The following GPHN variants were observed in gnomAD, a reference collection of about 807,000 sequenced individuals.
GPHN encodes the protein gephyrin.
GPHN carries 17 observed loss-of-function variants against 95.5 expected under a neutral mutation model. The observed-to-expected ratio is 0.18, with a 90% CI of 0.12 to 0.27. The LOEUF is 0.27. Ranked by LOEUF, GPHN falls within the 10% of genes least tolerant of loss-of-function variation. The pLI is 1.00. For missense variants in GPHN, 660 were observed against 978.1 expected (o/e 0.67, Z 4.34); for synonymous variants, 320 against 322.5 (o/e 0.99, Z 0.08).
chr14:67,345,870 A>T, the GPHN span: 3 of 1,596,966 alleles, frequency 1.9e-6, no homozygotes, highest in Non-Finnish European at 2.6e-6. Context: ...TCAGTTCATA[A>T]CCTGAAAGGA....
the GPHN span, chr14:67,204,643 T>C: frequency 6.2e-7 from 1 of 1,613,792 alleles, no homozygotes; most frequent in Non-Finnish European, 8.5e-7. Flanking sequence ...GCTCTGCACC[T>C]CTGCATATAA....
intron 1 of GPHN, among the ~76,000 whole-genome samples, chr14:66,633,898 A>G (rs2063957959): frequency 6.6e-6 from 1 of 151,196 alleles, no homozygotes; most frequent in Admixed American, 6.6e-5. Context: ...ACATTGCAGG[A>G]TGCTTTAAGA....
At chr14:67,264,292 G>A in the GPHN span, among the ~76,000 whole-genome samples, 1 of 152,198 alleles carries the variant, frequency 6.6e-6, no homozygotes, top group African/African-American at 2.4e-5. Context: ...TTTAACATAT[G>A]TAGCACAGTG....
At chr14:67,582,080 G>A in the GPHN span, 38 of 1,610,306 alleles carry the variant, frequency 2.4e-5, no homozygotes, top group African/African-American at 6.7e-5. This position sits in a 1 kb window ranked among gnomAD's most constrained non-coding sequence, Gnocchi z 5.0. Context: ...CTGTACTTTC[G>A]CAGTCAAGTC....
chr14:66,999,106 C>A (rs1369801767), intron 9 of GPHN, among the ~76,000 whole-genome samples: 1 of 151,820 alleles, frequency 6.6e-6, no homozygotes, highest in Non-Finnish European at 1.5e-5. Flanking sequence ...AGAAAATTGT[C>A]TTTTCTTAAA....
chr14:67,079,721 C>T (rs1297958768), intron 11 of GPHN, among the ~76,000 whole-genome samples: 2 of 151,948 alleles, frequency 1.3e-5, no homozygotes, highest in South Asian at 2.1e-4. Flanking sequence ...TGTTTCAATT[C>T]GCAAATTCAA....
chr14:66,855,241 C>T (rs1252459447), intron 4 of GPHN, among the ~76,000 whole-genome samples: 1 of 152,072 alleles, frequency 6.6e-6, no homozygotes, highest in Non-Finnish European at 1.5e-5. Context: ...AAAACTTTTT[C>T]ATCACCCCAG....
At chr14:67,036,205 G>A (rs1428376244) in intron 10 of GPHN, among the ~76,000 whole-genome samples, 3 of 150,752 alleles carry the variant, frequency 2.0e-5, no homozygotes, top group Non-Finnish European at 3.0e-5. Flanking sequence ...CAGCAAACTA[G>A]AAACAGAAGG....
the GPHN span, chr14:67,587,015 A>C: frequency 6.5e-6 from 10 of 1,530,936 alleles, no homozygotes; most frequent in East Asian, 1.2e-4. Context: ...AATAAGTAAG[A>C]AAGCCAGGAT....
At chr14:66,884,920 C>G (rs2064115794) in intron 5 of GPHN, among the ~76,000 whole-genome samples, 1 of 151,330 alleles carries the variant, frequency 6.6e-6, no homozygotes, top group African/African-American at 2.4e-5. Context: ...CCATTGTAAT[C>G]TTCAGTGACT....
chr14:67,056,000 T>A (rs1018377280), intron 10 of GPHN, among the ~76,000 whole-genome samples: 5 of 152,292 alleles, frequency 3.3e-5, no homozygotes, highest in African/African-American at 1.2e-4. Flanking sequence ...ACCTTCACCG[T>A]GAGTGTTACA....
intron 1 of GPHN, among the ~76,000 whole-genome samples, chr14:66,657,643 C>T (rs1185968481): frequency 5.3e-5 from 8 of 152,168 alleles, no homozygotes; most frequent in African/African-American, 1.9e-4. Flanking sequence ...GCTGAATTTA[C>T]TCTTCCTATG....
At chr14:67,068,008 A>C (rs929853812) in intron 11 of GPHN, among the ~76,000 whole-genome samples, 1 of 152,188 alleles carries the variant, frequency 6.6e-6, no homozygotes, top group Non-Finnish European at 1.5e-5. Flanking sequence ...CCTCAGTTGG[A>C]AATGCAGAAA....
the GPHN span, among the ~76,000 whole-genome samples, chr14:67,221,102 T>C: frequency 3.9e-5 from 6 of 152,240 alleles, no homozygotes; most frequent in Non-Finnish European, 7.3e-5. Flanking sequence ...GTATTTTGAT[T>C]ATTATCAGTT....
At chr14:67,449,168 G>T in the GPHN span, among the ~76,000 whole-genome samples, 2 of 152,198 alleles carry the variant, frequency 1.3e-5, no homozygotes, top group African/African-American at 4.8e-5. Context: ...TGGACTGCTT[G>T]TTCTATCTGC....
the GPHN span, among the ~76,000 whole-genome samples, chr14:67,250,578 C>T: frequency 6.6e-6 from 1 of 152,118 alleles, no homozygotes; most frequent in African/African-American, 2.4e-5. Flanking sequence ...TCATCTGGGC[C>T]CTTCCTCTGA....
intron 1 of GPHN, among the ~76,000 whole-genome samples, chr14:66,514,521 A>T (rs531704515): frequency 6.6e-6 from 1 of 152,184 alleles, no homozygotes; most frequent in African/African-American, 2.4e-5. Flanking sequence ...ATATGTTTCT[A>T]TCTTTTAGCA....
At chr14:66,916,945 A>G (rs1198967585) in intron 6 of GPHN, among the ~76,000 whole-genome samples, 1 of 152,226 alleles carries the variant, frequency 6.6e-6, no homozygotes, top group Non-Finnish European at 1.5e-5. Flanking sequence ...CAGTGTGAAT[A>G]TGCCTAAGAT....
intron 4 of GPHN, among the ~76,000 whole-genome samples, chr14:66,837,225 A>G (rs2061866886): frequency 6.6e-6 from 1 of 151,794 alleles, no homozygotes; most frequent in African/African-American, 2.4e-5. Flanking sequence ...CTGGATTAAG[A>G]AAATGTGGCA....
Sources: gnomAD v4.1 joint callset for allele counts (sites outside exome capture counted in the v4.1 genomes callset) on GRCh38, gnomAD v4.1.1 for gene constraint, Gnocchi (gnomAD v3.1) non-coding constraint, MANE v1.5 for transcripts, NCBI Gene and HGNC (gene_info 2026-07-23, HGNC 2026-07-21) for gene names.